The following YTHDC2 variants were observed in gnomAD, a reference collection of about 807,000 sequenced individuals.
YTHDC2 encodes YTH N6-methyladenosine RNA binding protein C2.
YTHDC2 carries 45 observed loss-of-function variants against 174.9 expected under a neutral mutation model. The observed-to-expected ratio is 0.26, with a 90% confidence interval of 0.20 to 0.33. The LOEUF is 0.33. Ranked by LOEUF, YTHDC2 falls within the 10% of genes least tolerant of loss-of-function variation. The pLI is 1.00. For synonymous variants in YTHDC2, 657 were observed against 574.5 expected (o/e 1.14, Z -2.05); for missense variants, 1,650 against 1,723.7 (o/e 0.96, Z 0.76).
intron 23 of YTHDC2, among the ~76,000 whole-genome samples, chr5:113,575,257 G>A (rs985429976): frequency 3.3e-5 from 5 of 152,082 alleles, no homozygotes; most frequent in African/African-American, 1.2e-4. Flanking sequence ...CAAATTATTT[G>A]CTATTTAATG....
chr5:113,580,899 C>T (rs17332053), intron 24 of YTHDC2, among the ~76,000 whole-genome samples: 11,839 of 152,138 alleles, frequency 0.078, 666 homozygotes, highest in Non-Finnish European at 0.1. Context: ...GTGTTTGTGC[C>T]TTAAATTTTA....
chr5:113,538,397 C>T (rs1443828364), intron 7 of YTHDC2, among the ~76,000 whole-genome samples: 2 of 152,076 alleles, frequency 1.3e-5, no homozygotes, highest in African/African-American at 2.4e-5. Context: ...TAAGACTTAT[C>T]TTTTCCTCTT....
chr5:113,565,562 G>C (rs1244353768), intron 20 of YTHDC2, among the ~76,000 whole-genome samples: 1 of 152,166 alleles, frequency 6.6e-6, no homozygotes, highest in East Asian at 1.9e-4. Flanking sequence ...TTAGATATAA[G>C]TGTTAAGAAG....
At chr5:113,561,743 A>T (rs137916832) in intron 18 of YTHDC2, among the ~76,000 whole-genome samples, 3,077 of 152,172 alleles carry the variant, frequency 0.02, 118 homozygotes, top group African/African-American at 0.071. Flanking sequence ...CTGGGATTAC[A>T]GGTGTGAGCC....
chr5:113,556,632 A>C (rs926215325), intron 17 of YTHDC2, among the ~76,000 whole-genome samples: 8 of 152,202 alleles, frequency 5.3e-5, no homozygotes, highest in African/African-American at 1.7e-4. Flanking sequence ...GCATTGATGA[A>C]AATGTTTAAC....
Position 113,592,143 on chromosome 5 carries a change from GACA to G in YTHDC2, c.4182_4184del (p.Asn1394del). The G allele has an allele frequency of 6.2e-7, 1 of 1,612,500 alleles. No homozygotes were observed. The highest frequency in any genetic ancestry group is 8.5e-7 in the Non-Finnish European group (1 of 1,179,288). On this transcript the variant is annotated inframe_deletion, in exon 28 of 30. Coordinates refer to ENST00000161863, the MANE Select transcript of YTHDC2 (RefSeq NM_022828.5). ...ACACCATTTACTCAATCCATGGAAT[GACA>G]ACAAGAAAGTGCAGATAAGCAGGGA...
Position 113,513,946 on chromosome 5 carries a change from C to G in YTHDC2, c.51C>G (p.Gly17=). 1.2e-6 allele frequency: 2 copies of G among 1,602,662 alleles called. No individual in the cohort carries two copies. Among genetic ancestry groups the G allele is most frequent in the Non-Finnish European group, 1.7e-6 (2 of 1,174,890 alleles). ...CGCGGCAGCCGGCTCCTGGCGGTGG[C>G]GGAGGCGGCGGCCCCTCGCCTTGTG... The part of the protein sequence containing the change: ...VSPRQPAPGG[G]GGGGPSPCGP... The change falls in exon 1 of 30, where the codon GGC becomes GGG. Residue 17 remains glycine (G), a synonymous_variant. Transcript: ENST00000161863.
At chr5:113,565,706 C>G in intron 20 of YTHDC2, 187 bp from the exon 21 acceptor site, 1 of 525,578 alleles carries the variant, frequency 1.9e-6, no homozygotes, top group Non-Finnish European at 3.0e-6. Context: ...AACTCAATGG[C>G]TTTTTTAGCA....
At chr5:113,518,806 CTCTT>C (rs1773664700) in intron 2 of YTHDC2, among the ~76,000 whole-genome samples, 1 of 151,922 alleles carries the variant, frequency 6.6e-6, no homozygotes, top group South Asian at 2.1e-4. Flanking sequence ...CTTTTTGATA[CTCTT>C]TCTTTCAAAA....
chr5:113,567,175 G>A lies in YTHDC2; in HGVS notation c.2926G>A (p.Val976Met). 1.2e-6 allele frequency: 2 copies of A among 1,613,814 alleles called. No homozygotes were observed. Among genetic ancestry groups the A allele is most frequent in the Non-Finnish European group, 1.7e-6 (2 of 1,179,908 alleles). The change falls in exon 22 of 30, where the codon GTG becomes ATG. Residue 976 changes from valine (V) to methionine (M), a missense_variant. Val to Met is a conservative substitution (Grantham distance 21, BLOSUM62 1). Transcript: ENST00000161863. ...TTGGGCTGTCGTTAAAGCTGCATTGGTGGCAGGCATGTATCCTAATTTAGT... is the reference window on the plus strand; with the variant it reads ...TTGGGCTGTCGTTAAAGCTGCATTGATGGCAGGCATGTATCCTAATTTAGT... ...ENWAVVKAAL[V>M]AGMYPNLVHV...
chr5:113,521,617 G>T (rs1773863556), intron 2 of YTHDC2, among the ~76,000 whole-genome samples: 3 of 151,750 alleles, frequency 2.0e-5, no homozygotes, highest in Admixed American at 2.0e-4. Context: ...TGTAGTCCCA[G>T]CTACTGGGGA....
At chr5:113,570,701 A>G (rs564446635) in intron 23 of YTHDC2, among the ~76,000 whole-genome samples, 1 of 152,054 alleles carries the variant, frequency 6.6e-6, no homozygotes, top group African/African-American at 2.4e-5. Context: ...CCCAGGTTGG[A>G]GTGCAGCGGT....
Position 113,565,702 on chromosome 5 carries a change from A to G in YTHDC2, c.2716-191A>G, listed in dbSNP as rs10155616. The G allele has an allele frequency of 0.051, 25,818 of 509,350 alleles. 1,763 individuals carry two copies. The highest frequency in any genetic ancestry group is 0.23 in the African/African-American group (11,708 of 49,998). The allele number at this position is 509,350 out of a possible 1,614,324, so 31.6% of individuals were successfully genotyped here. A position where few individuals can be genotyped will look rare whatever the true frequency, so the allele number is the denominator to read the frequency against. On this transcript the variant is annotated intron_variant, in intron 20 of 29. Coordinates refer to ENST00000161863, the MANE Select transcript of YTHDC2 (RefSeq NM_022828.5). ...TTCTCTTTGCGATTTTATAAACTCA[A>G]TGGCTTTTTTAGCATTTGAGTATAA...
At chr5:113,592,300 CA>C in intron 28 of YTHDC2, 122 bp downstream of exon 28, 5 of 962,442 alleles carry the variant, frequency 5.2e-6, no homozygotes, top group Non-Finnish European at 7.2e-6. Flanking sequence ...ACATGGGAAA[CA>C]GGGGTTCAGG....
intron 23 of YTHDC2, among the ~76,000 whole-genome samples, chr5:113,576,329 AGACTGAG>A (rs1158826802): frequency 2.6e-5 from 4 of 152,190 alleles, no homozygotes; most frequent in African/African-American, 7.2e-5. Context: ...GTGCTTTGAG[AGACTGAG>A]GGCATTAAGT....
intron 18 of YTHDC2, among the ~76,000 whole-genome samples, chr5:113,561,474 T>TCTATA (rs1554098924): frequency 3.6e-4 from 28 of 76,816 alleles, no homozygotes; most frequent in African/African-American, 1.7e-3. Flanking sequence ...TCTATCTATA[T>TCTATA]TTTTTTTTTT....
chr5:113,540,728 GATGTGGGTGGAGAC>G (rs1775399058), intron 8 of YTHDC2, among the ~76,000 whole-genome samples: 1 of 152,192 alleles, frequency 6.6e-6, no homozygotes, highest in Admixed American at 6.5e-5. Context: ...TTCAAGATGA[GATGTGGGTGGAGAC>G]ATAAAGCCTA....
intron 22 of YTHDC2, 54 bp downstream of exon 22, chr5:113,567,351 C>A: frequency 7.1e-7 from 1 of 1,415,570 alleles, no homozygotes; most frequent in Non-Finnish European, 9.3e-7. Flanking sequence ...TTAGGTAGTT[C>A]ACTATCAATG....
chr5:113,584,347 G>A lies in YTHDC2; in HGVS notation c.3693G>A (p.Lys1231=). The change falls in exon 26 of 30, where the codon AAG becomes AAA. Residue 1231 remains lysine (K), a synonymous_variant. Coordinates refer to ENST00000161863, the MANE Select transcript of YTHDC2 (RefSeq NM_022828.5). ...CTCCAGCATTACACCCACCTCAGAAGTACAAAGATAGAGGAATTTTACATC... is the reference window on the plus strand; with the variant it reads ...CTCCAGCATTACACCCACCTCAGAAATACAAAGATAGAGGAATTTTACATC... ...SPSPALHPPQ[K]YKDRGILHPK... 1.9e-6 allele frequency: 3 copies of A among 1,613,764 alleles called. No individual in the cohort carries two copies. Among genetic ancestry groups the A allele is most frequent in the South Asian group, 2.2e-5 (2 of 91,056 alleles).
Sources: gnomAD v4.1 joint callset for allele counts (sites outside exome capture counted in the v4.1 genomes callset) on GRCh38, gnomAD v4.1.1 for gene constraint, MANE v1.5 for transcripts, NCBI Gene and HGNC (gene_info 2026-07-23, HGNC 2026-07-21) for gene names.